WDR11: variants seen among roughly 807,000 people sequenced by gnomAD.
The protein encoded by WDR11 is WD repeat-containing protein 11.
In WDR11, 83 loss-of-function variants were observed where a neutral mutation model predicts 151.2. That is an observed-to-expected ratio of 0.55 (90% confidence interval 0.46 to 0.66). The LOEUF is 0.66. WDR11 is among the 30% of genes least tolerant of loss of function. WDR11 has a pLI of 0.00. For synonymous variants in WDR11, 484 were observed against 533.1 expected (o/e 0.91, Z 1.27); for missense variants, 1,301 against 1,480.9 (o/e 0.88, Z 1.99).
chr10:120,865,555 A>T lies in WDR11; in HGVS notation c.880-75A>T. On this transcript the variant is annotated intron_variant, in intron 6 of 28. Transcript: ENST00000263461. ...TTTCTTTTGCCCATATTATCTAAAT[A>T]TGAGTTTGAGTTTCACAGTATATAC... The T allele has an allele frequency of 3.0e-6, 3 of 1,005,142 alleles. No individual in the cohort carries two copies. In the South Asian group the frequency reaches 4.6e-5, roughly 16 times the overall value. The allele number at this position is 1,005,142 out of a possible 1,614,324, so 62.3% of individuals were successfully genotyped here.
chr10:120,859,945 G>A (rs530283663), intron 3 of WDR11, among the ~76,000 whole-genome samples, 164 bp from the exon 4 acceptor site: 1 of 108,172 alleles, frequency 9.2e-6, no homozygotes, highest in East Asian at 2.4e-4. Context: ...TTTTTCTCTG[G>A]AATATTGATA....
chr10:120,898,719 C>G (rs947426560), intron 19 of WDR11, among the ~76,000 whole-genome samples: 1 of 152,186 alleles, frequency 6.6e-6, no homozygotes, highest in Admixed American at 6.5e-5. Context: ...CTGGCTCTCT[C>G]CTGCTGCCAT....
intron 25 of WDR11, 71 bp from the exon 26 acceptor site, chr10:120,905,248 T>TTTAAC: frequency 6.7e-7 from 1 of 1,483,104 alleles, no homozygotes. Flanking sequence ...CAAATGGGGA[T>TTTAAC]TTAACTTTTT....
intron 12 of WDR11, 67 bp from the exon 13 acceptor site, chr10:120,880,758 CG>C: frequency 7.6e-7 from 1 of 1,323,384 alleles, no homozygotes; most frequent in Non-Finnish European, 1.1e-6. Flanking sequence ...ATTACATTGG[CG>C]TGGCTTCTTG....
chr10:120,852,510 T>C lies in WDR11; in HGVS notation c.87-14T>C. 2 of 1,611,592 alleles carry C rather than the reference T, an allele frequency of 1.2e-6. No individual in the cohort carries two copies. Among genetic ancestry groups the C allele is most frequent in the Non-Finnish European group, 1.7e-6 (2 of 1,177,868 alleles). ...TTGTTCTGTACTTAAACTTTAACAT[T>C]ACTGTTTTGCTAGGGGCTGGCAAGG... On this transcript the variant is annotated splice_polypyrimidine_tract_variant and intron_variant, in intron 1 of 28. Transcript: ENST00000263461.
chr10:120,872,884 A>G (rs931904589), intron 10 of WDR11, among the ~76,000 whole-genome samples: 4 of 152,190 alleles, frequency 2.6e-5, no homozygotes, highest in Non-Finnish European at 5.9e-5. Flanking sequence ...ATAAGATAAT[A>G]TTGGAATTTG....
At chr10:120,872,020 A>C (rs1028492182) in intron 10 of WDR11, among the ~76,000 whole-genome samples, 1 of 152,202 alleles carries the variant, frequency 6.6e-6, no homozygotes, top group Non-Finnish European at 1.5e-5. Flanking sequence ...CTTCTGAAAA[A>C]CAGTGTATTT....
At chr10:120,851,730 C>A in intron 1 of WDR11, 1 of 610,580 alleles carries the variant, frequency 1.6e-6, no homozygotes, top group Non-Finnish European at 2.9e-6. Flanking sequence ...CCCTCTTTCT[C>A]GCGTATTTCT....
chr10:120,893,859 G>T (rs1264898783), intron 19 of WDR11, among the ~76,000 whole-genome samples: 1 of 151,106 alleles, frequency 6.6e-6, no homozygotes, highest in African/African-American at 2.4e-5. Flanking sequence ...TTTTGATGGG[G>T]TTGTTTGTTT....
intron 18 of WDR11, 36 bp downstream of exon 18, chr10:120,890,045 T>C (rs201141838): frequency 2.8e-6 from 4 of 1,433,340 alleles, no homozygotes; most frequent in Non-Finnish European, 3.9e-6. Context: ...CGTAAATAAA[T>C]TGTTAGCCAT....
At chr10:120,861,260 A>G (rs1256780959) in intron 4 of WDR11, among the ~76,000 whole-genome samples, 2 of 152,226 alleles carry the variant, frequency 1.3e-5, no homozygotes, top group East Asian at 3.9e-4. Flanking sequence ...TTAAAGGAGG[A>G]AGAGAAAGGC....
At chr10:120,887,102 T>C (rs1461943668) in intron 16 of WDR11, among the ~76,000 whole-genome samples, 1 of 152,212 alleles carries the variant, frequency 6.6e-6, no homozygotes, top group Non-Finnish European at 1.5e-5. Context: ...AACAAAACTG[T>C]GGGAGAATAA....
chr10:120,894,458 G>T (rs975944902), intron 19 of WDR11, among the ~76,000 whole-genome samples: 1 of 152,092 alleles, frequency 6.6e-6, no homozygotes, highest in East Asian at 1.9e-4. Context: ...AAACAACCTG[G>T]AACGATCTGG....
intron 9 of WDR11, among the ~76,000 whole-genome samples, chr10:120,870,573 T>C (rs920095392): frequency 5.3e-5 from 8 of 152,200 alleles, no homozygotes; most frequent in African/African-American, 7.2e-5. Flanking sequence ...CTATTGACAG[T>C]GATGGTGTAT....
intron 10 of WDR11, 77 bp downstream of exon 10, chr10:120,871,423 T>G: frequency 6.9e-7 from 1 of 1,439,306 alleles, no homozygotes; most frequent in South Asian, 1.2e-5. Flanking sequence ...TAGAAGATCC[T>G]TTATTCTTTT....
intron 16 of WDR11, among the ~76,000 whole-genome samples, chr10:120,887,178 T>C (rs1338285324): frequency 6.6e-6 from 1 of 152,216 alleles, no homozygotes; most frequent in Non-Finnish European, 1.5e-5. Context: ...CAGGCCTGTC[T>C]GACTTCAGTA....
intron 14 of WDR11, 27 bp from the exon 15 acceptor site, chr10:120,885,787 C>G: frequency 6.2e-7 from 1 of 1,612,860 alleles, no homozygotes; most frequent in Non-Finnish European, 8.5e-7. Context: ...CCTAGCACTT[C>G]TAGGTTTGTC....
chr10:120,904,255 T>G, intron 24 of WDR11, 113 bp downstream of exon 24: 3 of 836,174 alleles, frequency 3.6e-6, no homozygotes, highest in Non-Finnish European at 5.9e-6. Context: ...TGTATGTACC[T>G]CCTTCCCTGT....
chr10:120,875,443 A>G (rs12784249), intron 11 of WDR11, among the ~76,000 whole-genome samples: 47,233 of 151,976 alleles, frequency 0.31, 7,631 homozygotes, highest in East Asian at 0.42. Context: ...ATGCAAGGCT[A>G]TTTTCCTTTT....
Sources: allele counts gnomAD v4.1 joint callset (sites outside exome capture counted in the v4.1 genomes callset), GRCh38; gene constraint gnomAD v4.1.1; transcripts MANE v1.5; gene names NCBI Gene and HGNC (gene_info 2026-07-23, HGNC 2026-07-21).